The following RGS20 variants were observed in gnomAD, a reference collection of about 807,000 sequenced individuals.
The protein encoded by RGS20 is gz-selective GTPase-activating protein.
Under a neutral mutation model 33.6 loss-of-function variants are expected in RGS20, and 30 were observed. The observed-to-expected ratio is 0.89, with a 90% confidence interval of 0.67 to 1.21. The LOEUF is 1.21. Among genes scored for constraint, RGS20 ranks in the 50% most tolerant of loss-of-function variants. RGS20 has a pLI of 0.00. For synonymous variants in RGS20, 208 were observed against 197.9 expected (o/e 1.05, Z -0.43); for missense variants, 472 against 502.4 (o/e 0.94, Z 0.58).
chr8:53,891,075 G>A (rs1812697683), intron 2 of RGS20, among the ~76,000 whole-genome samples: 1 of 152,168 alleles, frequency 6.6e-6, no homozygotes, highest in African/African-American at 2.4e-5. Flanking sequence ...CCATGTGTTT[G>A]AGGAAGTCCT....
In RGS20 at chr8:53,877,778, GAGCAAACAAACGAC is replaced by G. The variant is rs1438408468; in HGVS notation, c.166-1474_166-1461del. Among the ~76,000 whole-genome samples the G allele has an allele frequency of 6.6e-6, 1 of 152,202 alleles. No homozygotes were observed. Among genetic ancestry groups the G allele is most frequent in the Non-Finnish European group, 1.5e-5 (1 of 68,020 alleles). ...TGCAAACCGAGTTCAACTCACCCAG[GAGCAAACAAACGAC>G]AGCAAGACAAATCAGCCACCGCACT... On this transcript the variant is annotated intron_variant, in intron 1 of 5. Transcript: ENST00000297313. This position sits in a 1 kb window ranked among gnomAD's most constrained non-coding sequence, Gnocchi z 5.7.
rs372288848 is a variant in RGS20, at chr8:53,851,863, G to C, written c.-37G>C. The C allele has an allele frequency of 5.6e-6, 9 of 1,602,906 alleles. No individual in the cohort carries two copies. In the African/African-American group the frequency reaches 9.4e-5, roughly 17 times the overall value. On this transcript the variant is annotated 5_prime_UTR_variant, in exon 1 of 6. Coordinates refer to ENST00000297313, the MANE Select transcript of RGS20 (RefSeq NM_170587.4). ...TCCTGTGCTAATATTGGGAAAACCAGGCAACAGGACTCATTTGGGGCCTTT... is the reference window on the plus strand; with the variant it reads ...TCCTGTGCTAATATTGGGAAAACCACGCAACAGGACTCATTTGGGGCCTTT...
intron 2 of RGS20, among the ~76,000 whole-genome samples, chr8:53,900,025 T>C (rs1812968587): frequency 6.6e-6 from 1 of 152,164 alleles, no homozygotes; most frequent in Non-Finnish European, 1.5e-5. Flanking sequence ...TTGTCACCGC[T>C]TGCGTGTCCT....
intron 5 of RGS20, 117 bp from the exon 5 acceptor site, chr8:53,958,153 A>C: frequency 1.3e-6 from 1 of 748,724 alleles, no homozygotes; most frequent in Non-Finnish European, 2.0e-6. Context: ...AACAAACAAC[A>C]AAAAAACCAA....
intron 1 of RGS20, among the ~76,000 whole-genome samples, chr8:53,857,015 G>A (rs1185596303): frequency 6.6e-6 from 1 of 152,184 alleles, no homozygotes; most frequent in Non-Finnish European, 1.5e-5. Flanking sequence ...TACGCCTGTT[G>A]GCCAAACACC....
At chr8:53,852,157 T>A in intron 1 of RGS20, 1 of 1,162,740 alleles carries the variant, frequency 8.6e-7, no homozygotes, top group South Asian at 2.1e-5. Flanking sequence ...TTTAGTGCCA[T>A]TGCTCACTTA....
At chr8:53,901,124 C>T (rs984687448) in intron 2 of RGS20, among the ~76,000 whole-genome samples, 9 of 145,772 alleles carry the variant, frequency 6.2e-5, no homozygotes, top group African/African-American at 1.8e-4. Flanking sequence ...AGTGCAGTGG[C>T]GCAATCAATC....
At position 53,887,398 on chromosome 8, in the gene RGS20, C is replaced by G. The variant is rs532037710; in HGVS notation, c.510+7796C>G. On this transcript the variant is annotated intron_variant, in intron 2 of 5. Transcript: ENST00000297313. Reference sequence around the variant, plus strand: ...TTCGTTCCTTATCCTGGATATTGGCCTTTACATTTTTCTGTTGTATCCAAG... The same window carrying G: ...TTCGTTCCTTATCCTGGATATTGGCGTTTACATTTTTCTGTTGTATCCAAG... Among the ~76,000 whole-genome samples, 73 of 152,274 alleles carry G rather than the reference C, an allele frequency of 4.8e-4. No homozygotes were observed. The South Asian group carries it at 7.5e-3, about 16-fold the overall frequency.
intron 4 of RGS20, among the ~76,000 whole-genome samples, chr8:53,952,643 T>C (rs535912116): frequency 1.3e-5 from 2 of 149,154 alleles, no homozygotes; most frequent in South Asian, 4.3e-4. Context: ...GGAGAATCAC[T>C]TGAACCCGGA....
chr8:53,918,861 C>A (rs1357056109), intron 2 of RGS20, among the ~76,000 whole-genome samples: 1 of 152,140 alleles, frequency 6.6e-6, no homozygotes, highest in Non-Finnish European at 1.5e-5. Context: ...ATGTTTACAA[C>A]AATAAACAAA....
At chr8:53,928,615 G>A (rs1010382647) in intron 2 of RGS20, among the ~76,000 whole-genome samples, 3 of 152,098 alleles carry the variant, frequency 2.0e-5, no homozygotes, top group African/African-American at 4.8e-5. Context: ...CCTGAGGTCA[G>A]GAGTTCGAGA....
intron 2 of RGS20, among the ~76,000 whole-genome samples, chr8:53,938,460 C>T (rs1348465965): frequency 1.3e-5 from 2 of 152,102 alleles, no homozygotes; most frequent in Non-Finnish European, 2.9e-5. Context: ...TGCAGCAAAC[C>T]ACTATGGCAC....
At chr8:53,903,381 G>A (rs576661250) in intron 2 of RGS20, among the ~76,000 whole-genome samples, 1 of 152,304 alleles carries the variant, frequency 6.6e-6, no homozygotes, top group South Asian at 2.1e-4. Context: ...TTAGAAAAAT[G>A]TTGTCAACTT....
chr8:53,863,409 G>C (rs1309147209), intron 1 of RGS20, among the ~76,000 whole-genome samples: 1 of 152,106 alleles, frequency 6.6e-6, no homozygotes, highest in Non-Finnish European at 1.5e-5. Context: ...AAGAGCAGAT[G>C]GGCTCTTCTT....
chr8:53,907,607 G>A (rs1813219667), intron 2 of RGS20, among the ~76,000 whole-genome samples: 1 of 151,852 alleles, frequency 6.6e-6, no homozygotes, highest in Non-Finnish European at 1.5e-5. Flanking sequence ...AAGATTTAAA[G>A]AATCTTTCCA....
intron 2 of RGS20, among the ~76,000 whole-genome samples, chr8:53,886,106 G>A (rs1167083327): frequency 1.3e-5 from 2 of 152,174 alleles, no homozygotes; most frequent in African/African-American, 4.8e-5. Context: ...GTGTCAGTCA[G>A]CAACTAATAG....
intron 2 of RGS20, among the ~76,000 whole-genome samples, chr8:53,933,372 G>A (rs1182010068): frequency 1.3e-5 from 2 of 152,116 alleles, no homozygotes; most frequent in African/African-American, 4.8e-5. Context: ...AAAAAGATTA[G>A]AGGAATTGCT....
At chr8:53,920,662 T>G (rs1308291532) in intron 2 of RGS20, among the ~76,000 whole-genome samples, 1 of 152,202 alleles carries the variant, frequency 6.6e-6, no homozygotes, top group African/African-American at 2.4e-5. Context: ...ATCTTAGATA[T>G]AGGTGTGTTA....
At chr8:53,922,793 T>C (rs1813688489) in intron 2 of RGS20, among the ~76,000 whole-genome samples, 1 of 152,164 alleles carries the variant, frequency 6.6e-6, no homozygotes, top group African/African-American at 2.4e-5. Flanking sequence ...CCCAAGTAGC[T>C]AGGACTACAT....
Sources: gnomAD v4.1 joint callset for allele counts (sites outside exome capture counted in the v4.1 genomes callset) on GRCh38, gnomAD v4.1.1 for gene constraint, Gnocchi (gnomAD v3.1) non-coding constraint, MANE v1.5 for transcripts, NCBI Gene and HGNC (gene_info 2026-07-23, HGNC 2026-07-21) for gene names.